Variants in ADAM10 observed in about 807,000 individuals in gnomAD.
ADAM10 encodes ADAM metallopeptidase domain 10, also known as disintegrin and metalloproteinase domain-containing protein 10.
Under a neutral mutation model 90.1 loss-of-function variants are expected in ADAM10, and 17 were observed. The observed-to-expected ratio is 0.19, with a 90% CI of 0.13 to 0.28. The LOEUF (loss-of-function observed/expected upper bound fraction) is 0.28, where lower values mean the gene tolerates loss of function less well. Ranked by LOEUF, ADAM10 falls within the 10% of genes least tolerant of loss-of-function variation. The pLI is 1.00. For synonymous variants in ADAM10, 310 were observed against 298.6 expected, an observed-to-expected ratio of 1.04 and a Z score of -0.40; for missense variants, 610 against 914.3, an observed-to-expected ratio of 0.67 and a Z score of 4.29.
chr15:58,737,987 G>C (rs562033983), intron 1 of ADAM10, among the ~76,000 whole-genome samples: 2 of 152,156 alleles, frequency 1.3e-5, no homozygotes, highest in Non-Finnish European at 2.9e-5. Flanking sequence ...AAGAATGGGA[G>C]AGGAAAATCT....
chr15:58,612,536 G>A (rs182757870), intron 11 of ADAM10, among the ~76,000 whole-genome samples: 14 of 152,262 alleles, frequency 9.2e-5, no homozygotes. Flanking sequence ...TGACAGCTGT[G>A]CTTGAACATT....
In ADAM10 at chr15:58,710,563, G is replaced by A. The variant is rs1267795434; in HGVS notation, c.206+7014C>T. Among the ~76,000 whole-genome samples, 4 of 152,176 alleles carry A rather than the reference G, an allele frequency of 2.6e-5. No homozygotes were observed. The East Asian group carries it at 7.7e-4, about 29-fold the overall frequency. The stretch of plus-strand genomic sequence containing the variant: ...CAAGAATAAAGAATACCATATCCTA[G>A]AAAATCCAATACTGAGATAAAAAGC... On this transcript the variant is annotated intron_variant, in intron 2 of 15. Transcript: ENST00000260408.
chr15:58,608,769 A>C (rs1412229189), intron 14 of ADAM10, among the ~76,000 whole-genome samples: 2 of 152,226 alleles, frequency 1.3e-5, no homozygotes, highest in East Asian at 3.8e-4. Context: ...ATATTTTTAA[A>C]GTGAAAATAA....
chr15:58,606,455 AATT>A (rs1895276679), intron 14 of ADAM10, among the ~76,000 whole-genome samples: 1 of 152,202 alleles, frequency 6.6e-6, no homozygotes, highest in Non-Finnish European at 1.5e-5. Flanking sequence ...TTTCCATATA[AATT>A]ATTACATTTG....
rs749439192 is a variant in ADAM10 at position 58,621,262 on chromosome 15, CAAAAAAAAAAAAA to C, written c.1511+196_1511+208del. ...TGGGCAACAGAGCGAGACCCTGTCT[CAAAAAAAAAAAAA>C]AAAAAAAAAAAAAAAGTAGTTCAAT... On this transcript the variant is annotated intron_variant, in intron 11 of 15. Coordinates refer to ENST00000260408, the MANE Select transcript of ADAM10 (RefSeq NM_001110.4). Among the ~76,000 whole-genome samples, 24 of 25,276 alleles carry C rather than the reference CAAAAAAAAAAAAA, an allele frequency of 9.5e-4. 1 individual carries two copies. Among genetic ancestry groups the C allele is most frequent in the African/African-American group, 2.1e-3 (23 of 11,028 alleles). The allele number at this position is 25,276 out of a possible 152,430, so 16.6% of individuals were successfully genotyped here. A position where few individuals can be genotyped will look rare whatever the true frequency, so the allele number is the denominator to read the frequency against.
At chr15:58,724,591 G>A (rs1264867315) in intron 1 of ADAM10, among the ~76,000 whole-genome samples, 2 of 152,200 alleles carry the variant, frequency 1.3e-5, no homozygotes, top group Non-Finnish European at 2.9e-5. Context: ...TGAGTTCAGG[G>A]AGATCAGGTA....
intron 9 of ADAM10, among the ~76,000 whole-genome samples, chr15:58,628,196 AAC>A (rs1896000863): frequency 1.3e-5 from 2 of 152,232 alleles, no homozygotes. Flanking sequence ...TAAAACTAGT[AAC>A]AGTAAAATAA....
rs186757583 is a variant in ADAM10, at chr15:58,743,124, G to T, written c.55+6356C>A. On this transcript the variant is annotated intron_variant, in intron 1 of 15. Transcript: ENST00000260408. ...CCCAGCATGTCACATAGAGCTGCCC[G>T]TGTAAAAACCAAATGAAATGCAAAT... Among the ~76,000 whole-genome samples, 410 of 152,164 alleles carry T rather than the reference G, an allele frequency of 2.7e-3. 2 individuals carry two copies. The highest frequency in any genetic ancestry group is 0.012 in the Admixed American group (190 of 15,280).
At chr15:58,744,767 T>C (rs145627540) in intron 1 of ADAM10, among the ~76,000 whole-genome samples, 1,551 of 152,316 alleles carry the variant, frequency 0.01, 39 homozygotes, top group African/African-American at 0.035. Context: ...CCCAGCACTT[T>C]GGGAGGCCAG....
intron 10 of ADAM10, among the ~76,000 whole-genome samples, chr15:58,622,161 T>G (rs964062703): frequency 1.3e-5 from 2 of 152,222 alleles, no homozygotes; most frequent in Non-Finnish European, 2.9e-5. Flanking sequence ...CAACCCCACC[T>G]AACATATTAT....
chr15:58,703,295 A>C (rs1349570856), intron 2 of ADAM10, among the ~76,000 whole-genome samples: 1 of 151,060 alleles, frequency 6.6e-6, no homozygotes, highest in African/African-American at 2.4e-5. Context: ...TTCCCTCAAA[A>C]AAAAAAAAAA....
chr15:58,610,061 A>C, intron 14 of ADAM10: 1 of 532,892 alleles, frequency 1.9e-6, no homozygotes, highest in Non-Finnish European at 3.3e-6. Context: ...ACTAAGGAGC[A>C]CGGTAAAACA....
intron 9 of ADAM10, chr15:58,629,178 G>A (rs931601632): frequency 6.6e-6 from 1 of 152,122 alleles, no homozygotes; most frequent in Non-Finnish European, 1.5e-5. Flanking sequence ...AAATATTAAT[G>A]AATGTCCAGT....
At chr15:58,637,700 G>A (rs1786848851) in intron 8 of ADAM10, among the ~76,000 whole-genome samples, 1 of 152,088 alleles carries the variant, frequency 6.6e-6, no homozygotes, top group Non-Finnish European at 1.5e-5. Flanking sequence ...CTGTGTGTGT[G>A]TGTGTAGATT....
chr15:58,720,666 G>C (rs1898822638), intron 1 of ADAM10, among the ~76,000 whole-genome samples: 1 of 151,382 alleles, frequency 6.6e-6, no homozygotes, highest in Non-Finnish European at 1.5e-5. Context: ...CTCCCAAAGT[G>C]CTGGGATTAC....
intron 11 of ADAM10, 73 bp downstream of exon 11, chr15:58,621,396 TCA>T: frequency 6.4e-7 from 1 of 1,564,766 alleles, no homozygotes; most frequent in Non-Finnish European, 8.8e-7. Context: ...TCTCTTAATC[TCA>T]GTTTTAAATT....
chr15:58,651,450 A>G (rs542422447), intron 5 of ADAM10, among the ~76,000 whole-genome samples: 60 of 152,160 alleles, frequency 3.9e-4, no homozygotes, highest in African/African-American at 1.4e-3. Flanking sequence ...TCTACTCTCT[A>G]TCTCCATGAG....
At chr15:58,621,729 G>C in intron 10 of ADAM10, 108 bp from the exon 11 acceptor site, 1 of 1,369,098 alleles carries the variant, frequency 7.3e-7, no homozygotes, top group South Asian at 1.2e-5. Flanking sequence ...GGAAAACTTT[G>C]ATGAATAAGT....
At chr15:58,688,357 AT>A (rs1238871163) in intron 2 of ADAM10, among the ~76,000 whole-genome samples, 1 of 152,070 alleles carries the variant, frequency 6.6e-6, no homozygotes, top group Non-Finnish European at 1.5e-5. Flanking sequence ...GCAAGACTCC[AT>A]CTCTAATTTT....
Sources: allele counts gnomAD v4.1 joint callset (sites outside exome capture counted in the v4.1 genomes callset), GRCh38; gene constraint gnomAD v4.1.1; transcripts MANE v1.5; gene names NCBI Gene and HGNC (gene_info 2026-07-23, HGNC 2026-07-21).